The following CNBD1 variants were observed in gnomAD, a reference collection of about 807,000 sequenced individuals.
The protein encoded by CNBD1 is cyclic nucleotide-binding domain-containing protein 1.
A neutral mutation model predicts 54.4 loss-of-function variants in CNBD1; 71 were observed. That is an observed-to-expected ratio of 1.30 (90% CI 1.08 to 1.59). The LOEUF (loss-of-function observed/expected upper bound fraction) is 1.59, where lower values mean the gene tolerates loss of function less well. Ranked by LOEUF, CNBD1 falls within the 40% of genes most tolerant of loss-of-function variation. The probability of loss-of-function intolerance (pLI) is 0.00; values close to 1 mark genes in which losing one functional copy is unlikely to be tolerated. For missense variants in CNBD1, 659 were observed against 518.0 expected, an observed-to-expected ratio of 1.27 and a Z score of -2.64; for synonymous variants, 182 against 170.7, an observed-to-expected ratio of 1.07 and a Z score of -0.51.
At chr8:87,417,327 C>T (rs1807854186) in intron 2 of CNBD1, among the ~76,000 whole-genome samples, 2 of 152,042 alleles carry the variant, frequency 1.3e-5, no homozygotes, top group African/African-American at 4.8e-5. Context: ...TCTACTGGGT[C>T]CCTCTCATGA....
At chr8:87,257,964 A>T (rs1220011710) in intron 6 of CNBD1, among the ~76,000 whole-genome samples, 1 of 152,190 alleles carries the variant, frequency 6.6e-6, no homozygotes, top group African/African-American at 2.4e-5. Context: ...GACATATTAG[A>T]ATTTTAGAAA....
chr8:86,984,764 C>G (rs370589297), intron 4 of CNBD1, among the ~76,000 whole-genome samples: 1 of 152,158 alleles, frequency 6.6e-6, no homozygotes, highest in Admixed American at 6.5e-5. Context: ...GCCCATACCC[C>G]CATTGTATCT....
At chr8:87,171,073 A>G (rs919719491) in intron 4 of CNBD1, among the ~76,000 whole-genome samples, 4 of 152,064 alleles carry the variant, frequency 2.6e-5, no homozygotes, top group African/African-American at 9.7e-5. Flanking sequence ...ATTTTTTGTA[A>G]TAGTTTGAGT....
intron 4 of CNBD1, among the ~76,000 whole-genome samples, chr8:87,109,444 A>G (rs547986415): frequency 6.6e-6 from 1 of 151,994 alleles, no homozygotes; most frequent in Admixed American, 6.6e-5. Flanking sequence ...CCATAATTCA[A>G]CTCATCTAAC....
chr8:86,988,888 T>C (rs537204191), intron 4 of CNBD1, among the ~76,000 whole-genome samples: 1 of 152,286 alleles, frequency 6.6e-6, no homozygotes, highest in Admixed American at 6.5e-5. Context: ...CTCCATTGTG[T>C]CCAGGTATCA....
chr8:87,132,271 T>G (rs1231413567), intron 4 of CNBD1, among the ~76,000 whole-genome samples: 3 of 151,884 alleles, frequency 2.0e-5, no homozygotes, highest in Admixed American at 2.0e-4. Context: ...ATAACAACAT[T>G]TTAGTAAGTT....
At chr8:87,194,253 G>A (rs1159632662) in intron 4 of CNBD1, among the ~76,000 whole-genome samples, 2 of 152,158 alleles carry the variant, frequency 1.3e-5, no homozygotes, top group East Asian at 3.8e-4. Context: ...GAAGAAACCA[G>A]GCAATAGAAA....
At chr8:87,356,379 G>A (rs1185417480) in intron 10 of CNBD1, among the ~76,000 whole-genome samples, 1 of 152,166 alleles carries the variant, frequency 6.6e-6, no homozygotes, top group Non-Finnish European at 1.5e-5. Flanking sequence ...GATAGTGAAG[G>A]CCAGGCTTAT....
intron 2 of CNBD1, among the ~76,000 whole-genome samples, chr8:87,402,740 A>G: frequency 6.6e-6 from 1 of 152,092 alleles, no homozygotes; most frequent in East Asian, 1.9e-4. Context: ...CAGTGCCATT[A>G]AAGTGTTTTA....
At chr8:87,035,569 C>A (rs1421746037) in intron 4 of CNBD1, among the ~76,000 whole-genome samples, 3 of 152,140 alleles carry the variant, frequency 2.0e-5, no homozygotes, top group Non-Finnish European at 4.4e-5. Flanking sequence ...TGACCTTATT[C>A]ACAAGGGCAA....
At chr8:87,314,519 C>A (rs1258287839) in intron 8 of CNBD1, among the ~76,000 whole-genome samples, 1 of 151,760 alleles carries the variant, frequency 6.6e-6, no homozygotes, top group Non-Finnish European at 1.5e-5. Context: ...TTACAGTAAA[C>A]ACCAGAACCA....
At chr8:87,025,576 C>T (rs1809624549) in intron 4 of CNBD1, among the ~76,000 whole-genome samples, 1 of 151,554 alleles carries the variant, frequency 6.6e-6, no homozygotes, top group African/African-American at 2.4e-5. Flanking sequence ...CCAGGTGGAA[C>T]AAACAAGTCT....
chr8:86,987,830 C>G (rs1450205482), intron 4 of CNBD1, among the ~76,000 whole-genome samples: 1 of 152,080 alleles, frequency 6.6e-6, no homozygotes, highest in Non-Finnish European at 1.5e-5. Context: ...AGCATTGTAT[C>G]CCAGAAATAA....
In CNBD1 at chr8:87,146,164, C is replaced by A. The variant is rs866787493; in HGVS notation, c.432-59829C>A. Among the ~76,000 whole-genome samples the A allele has an allele frequency of 2.4e-4, 37 of 152,138 alleles. No homozygotes were observed. In the South Asian group the frequency reaches 3.3e-3, roughly 14 times the overall value. ...TCATTTTAGAATTACATAAGTTTTA[C>A]AATTATAATTATAGACTTTTCTTTC... On this transcript the variant is annotated intron_variant, in intron 4 of 10. Transcript: ENST00000518476.
At chr8:87,189,349 T>C (rs1386524798) in intron 4 of CNBD1, among the ~76,000 whole-genome samples, 2 of 152,182 alleles carry the variant, frequency 1.3e-5, no homozygotes, top group African/African-American at 2.4e-5. Flanking sequence ...ACTATAAACA[T>C]GTAGATAAAA....
rs1267680470 is a variant in CNBD1 at position 86,987,385 on chromosome 8, A to G, written c.431+47631A>G. ...TATCCTGAGACTACTGAAGTTGTTT[A>G]TCAGTTCTAGGGGCCTTTTGGCAGT... On this transcript the variant is annotated intron_variant, in intron 4 of 10. Coordinates refer to ENST00000518476, the MANE Select transcript of CNBD1 (RefSeq NM_173538.3). Among the ~76,000 whole-genome samples, 3 of 152,170 alleles carry G rather than the reference A, an allele frequency of 2.0e-5. No individual in the cohort carries two copies. In the East Asian group the frequency reaches 5.8e-4, roughly 29 times the overall value.
chr8:87,219,753 G>C (rs969216598), intron 5 of CNBD1, among the ~76,000 whole-genome samples: 3 of 151,868 alleles, frequency 2.0e-5, no homozygotes, highest in Non-Finnish European at 4.4e-5. Context: ...TTGGAATCAG[G>C]CATATCTACA....
chr8:87,366,159 A>G lies in CNBD1; in HGVS notation c.1303+12373A>G, dbSNP rs142880323. Among the ~76,000 whole-genome samples, 651 of 152,176 alleles carry G rather than the reference A, an allele frequency of 4.3e-3. 7 individuals are homozygous for G. Among genetic ancestry groups the G allele is most frequent in the African/African-American group, 0.015 (622 of 41,560 alleles). The stretch of plus-strand genomic sequence containing the variant: ...CAGCTTTAAACAATACTCATTTATC[A>G]TCTCACAGTTTTGTAGGTCAGATGT... On this transcript the variant is annotated intron_variant, in intron 10 of 10. Transcript: ENST00000518476.
intron 10 of CNBD1, among the ~76,000 whole-genome samples, chr8:87,374,943 G>A (rs1294223278): frequency 6.7e-6 from 1 of 149,952 alleles, no homozygotes; most frequent in Non-Finnish European, 1.5e-5. Flanking sequence ...CATACAACTG[G>A]CAAAAATGCA....
Sources: allele counts gnomAD v4.1 joint callset (sites outside exome capture counted in the v4.1 genomes callset), GRCh38; gene constraint gnomAD v4.1.1; transcripts MANE v1.5; gene names NCBI Gene and HGNC (gene_info 2026-07-23, HGNC 2026-07-21).